The following PCDHA6 variants were observed in gnomAD, a reference collection of about 807,000 sequenced individuals.
PCDHA6 encodes the protein protocadherin alpha-6.
In PCDHA6, 55 loss-of-function variants were observed where a neutral mutation model predicts 60.3. The ratio of observed to expected loss-of-function variants is 0.91; its 90% CI spans 0.73 to 1.14. The LOEUF (loss-of-function observed/expected upper bound fraction) is 1.14, where lower values mean the gene tolerates loss of function less well. PCDHA6 is among the 50% of genes most tolerant of loss of function. The pLI is 0.00. For synonymous variants in PCDHA6, 652 were observed against 557.9 expected (o/e 1.17, Z -2.38); for missense variants, 1,327 against 1,256.5 (o/e 1.06, Z -0.85).
intron 1 of PCDHA6, among the ~76,000 whole-genome samples, chr5:140,878,864 A>G (rs1465235970): frequency 1.3e-5 from 2 of 152,152 alleles, no homozygotes; most frequent in Non-Finnish European, 2.9e-5. Flanking sequence ...CTGATCCTCC[A>G]TTTCAGCCTT....
At chr5:140,923,664 T>C (rs898223251) in intron 1 of PCDHA6, among the ~76,000 whole-genome samples, 1 of 152,234 alleles carries the variant, frequency 6.6e-6, no homozygotes, top group Non-Finnish European at 1.5e-5. Context: ...CTTTGGGATA[T>C]CGTTCTCTCT....
intron 1 of PCDHA6, among the ~76,000 whole-genome samples, chr5:140,897,778 T>C (rs1402383058): frequency 2.0e-5 from 3 of 152,208 alleles, no homozygotes; most frequent in Non-Finnish European, 2.9e-5. Context: ...ACTTCCACAA[T>C]GGTTGAACTA....
Position 140,929,116 on chromosome 5 carries a change from A to G in PCDHA6, c.2395-49833A>G, listed in dbSNP as rs535394812. The G allele has an allele frequency of 2.9e-5, 47 of 1,614,170 alleles. No homozygotes were observed. The East Asian group carries it at 8.9e-4, about 31-fold the overall frequency. Reference sequence around the variant, plus strand: ...AAATCCTTGCATGACATCAGCCACCATAGATGTCACTACAGTTGAGAGACT... The same window carrying G: ...AAATCCTTGCATGACATCAGCCACCGTAGATGTCACTACAGTTGAGAGACT... On this transcript the variant is annotated intron_variant, in intron 1 of 3. Coordinates refer to ENST00000529310, the MANE Select transcript of PCDHA6 (RefSeq NM_018909.4).
chr5:140,968,761 T>C (rs782432205), intron 1 of PCDHA6: 1 of 1,614,140 alleles, frequency 6.2e-7, no homozygotes, highest in South Asian at 1.1e-5. Flanking sequence ...TCCGAGATAA[T>C]GGAGAGCCAT....
At chr5:140,914,426 A>T (rs1554196349) in intron 1 of PCDHA6, among the ~76,000 whole-genome samples, 1 of 152,140 alleles carries the variant, frequency 6.6e-6, no homozygotes. Context: ...TTAGCAAGGA[A>T]TATCTTTTCC....
In PCDHA6 at chr5:140,849,922, C is replaced by T. The variant is rs140735832; in HGVS notation, c.2394+19437C>T. 4.3e-5 allele frequency: 69 copies of T among 1,598,214 alleles called. 4 individuals carry two copies. Among genetic ancestry groups the T allele is most frequent in the Middle Eastern group, 1.7e-4 (1 of 5,782 alleles). On this transcript the variant is annotated intron_variant, in intron 1 of 3. Transcript: ENST00000529310. The stretch of plus-strand genomic sequence containing the variant: ...AACCCGCCGGGCTGCCACATCTTCA[C>T]GGTGTCTGCGCGGGACGCTGACGCG...
intron 1 of PCDHA6, among the ~76,000 whole-genome samples, chr5:140,956,940 T>G (rs1446313251): frequency 6.7e-6 from 1 of 150,168 alleles, no homozygotes; most frequent in Non-Finnish European, 1.5e-5. Flanking sequence ...AGGATAAAAT[T>G]TACATTAAAA....
chr5:140,885,096 A>G (rs2060465078), intron 1 of PCDHA6, among the ~76,000 whole-genome samples: 1 of 152,160 alleles, frequency 6.6e-6, no homozygotes, highest in Non-Finnish European at 1.5e-5. Flanking sequence ...AACTTTTCAC[A>G]TAAATGCTTT....
At chr5:140,836,381 G>A in intron 1 of PCDHA6, 2 of 1,613,746 alleles carry the variant, frequency 1.2e-6, no homozygotes, top group Non-Finnish European at 1.7e-6. Context: ...CCACCGTGCT[G>A]GTGTCGCTGG....
Position 140,856,323 on chromosome 5 carries a change from A to T in PCDHA6, c.2394+25838A>T, listed in dbSNP as rs781846770. ...TTTGTGAATTCTCGGATTGACCGCG[A>T]GGAGCTGTGCGGGCGGAGCGTGGAG... On this transcript the variant is annotated intron_variant, in intron 1 of 3. Transcript: ENST00000529310. The T allele has an allele frequency of 3.1e-6, 5 of 1,598,532 alleles. No individual in the cohort carries two copies. The East Asian group carries it at 1.1e-4, about 36-fold the overall frequency.
intron 1 of PCDHA6, chr5:140,860,433 T>C (rs2046395592): frequency 6.6e-6 from 1 of 152,064 alleles, no homozygotes; most frequent in Non-Finnish European, 1.5e-5. Context: ...GCAAATATGA[T>C]CTTTTTCATA....
At chr5:140,918,742 A>T (rs2078833886) in intron 1 of PCDHA6, among the ~76,000 whole-genome samples, 1 of 152,170 alleles carries the variant, frequency 6.6e-6, no homozygotes, top group Non-Finnish European at 1.5e-5. Context: ...GCCCTTATAA[A>T]AGAGGCCCAG....
intron 1 of PCDHA6, chr5:140,968,411 G>C (rs895173088): frequency 1.9e-6 from 3 of 1,614,012 alleles, no homozygotes; most frequent in South Asian, 1.1e-5. Context: ...CTTTGTGACT[G>C]TGGAGGCTCA....
In PCDHA6 at chr5:140,830,375, G is replaced by A; in HGVS notation, c.2284G>A (p.Glu762Lys). The A allele has an allele frequency of 6.2e-7, 1 of 1,614,172 alleles. No individual in the cohort carries two copies. Among genetic ancestry groups the A allele is most frequent in the Non-Finnish European group, 8.5e-7 (1 of 1,180,012 alleles). ...GAGGCGGCAGAGGGTGTGCTCCGGG[G>A]AGGGCCCACCCAAGATGGATCTCAT... ...QQRRQRVCSGEGPPKMDLMAF... is the reference protein window; with the variant it reads ...QQRRQRVCSGKGPPKMDLMAF... The change falls in exon 1 of 4, where the codon GAG (glutamate) becomes AAG (lysine). Residue 762 changes from glutamate (E) to lysine (K), a missense_variant. Physicochemically the swap from Glu to Lys is moderately conservative, Grantham distance 56. Transcript: ENST00000529310.
intron 1 of PCDHA6, chr5:140,966,547 G>A (rs2096020137): frequency 2.1e-6 from 1 of 467,502 alleles, no homozygotes; most frequent in Non-Finnish European, 3.6e-6. Context: ...ACTCGGAGGC[G>A]AGCGGAGGAG....
chr5:140,907,789 G>A (rs187759241), intron 1 of PCDHA6, among the ~76,000 whole-genome samples: 1 of 152,330 alleles, frequency 6.6e-6, no homozygotes, highest in Non-Finnish European at 1.5e-5. Flanking sequence ...GCTGGGGAAA[G>A]AGGCTAAGTG....
At chr5:140,926,470 GT>G (rs1204371892) in intron 1 of PCDHA6, 7 of 162,858 alleles carry the variant, frequency 4.3e-5, no homozygotes, top group Non-Finnish European at 9.2e-5. Context: ...AGAAAACACC[GT>G]TTAAGGAGAG....
rs2150210782 is a variant in PCDHA6, at chr5:140,833,751, A to AACAC, written c.2394+3279_2394+3282dup. Among the ~76,000 whole-genome samples the AACAC allele has an allele frequency of 5.0e-4, 75 of 151,354 alleles. 1 individual carries two copies. Among genetic ancestry groups the AACAC allele is most frequent in the Middle Eastern group, 3.4e-3 (1 of 294 alleles). ...AATGTTTCTTGCCTCCTAAAAAGAA[A>AACAC]ACACACACACACACACCGCTTTCTA... On this transcript the variant is annotated intron_variant, in intron 1 of 3. Coordinates refer to ENST00000529310, the MANE Select transcript of PCDHA6 (RefSeq NM_018909.4).
intron 1 of PCDHA6, chr5:140,836,186 A>C (rs2150254902): frequency 6.2e-7 from 1 of 1,613,806 alleles, no homozygotes; most frequent in Non-Finnish European, 8.5e-7. Context: ...ACGCTGACTC[A>C]GGCTACAACG....
Sources: gnomAD v4.1 joint callset for allele counts (sites outside exome capture counted in the v4.1 genomes callset) on GRCh38, gnomAD v4.1.1 for gene constraint, MANE v1.5 for transcripts, NCBI Gene and HGNC (gene_info 2026-07-23, HGNC 2026-07-21) for gene names.